BANK1: variants seen among roughly 807,000 people sequenced by gnomAD.
The protein encoded by BANK1 is B cell scaffold protein with ankyrin repeats 1.
Under a neutral mutation model 94.5 loss-of-function variants are expected in BANK1, and 95 were observed. That is an observed-to-expected ratio of 1.00 (90% confidence interval 0.85 to 1.19). The LOEUF (loss-of-function observed/expected upper bound fraction) is 1.19, where lower values mean the gene tolerates loss of function less well. Ranked by LOEUF, BANK1 falls within the 50% of genes most tolerant of loss-of-function variation. BANK1 has a pLI of 0.00. For synonymous variants in BANK1, 334 were observed against 308.4 expected, an observed-to-expected ratio of 1.08 and a Z score of -0.87; for missense variants, 987 against 932.2, an observed-to-expected ratio of 1.06 and a Z score of -0.77.
intron 8 of BANK1, among the ~76,000 whole-genome samples, chr4:102,023,691 A>T (rs1033147309): frequency 3.9e-5 from 6 of 152,214 alleles, no homozygotes; most frequent in Non-Finnish European, 8.8e-5. Flanking sequence ...AAGTTTGGGC[A>T]TATTTGATGA....
At chr4:101,854,957 C>A in intron 2 of BANK1, 78 bp from the exon 3 acceptor site, 5 of 1,100,556 alleles carry the variant, frequency 4.5e-6, no homozygotes, top group East Asian at 2.4e-5. Context: ...GGTTGTTTAG[C>A]AATTAGTCTT....
At chr4:102,068,549 G>A (rs187766425) in intron 13 of BANK1, among the ~76,000 whole-genome samples, 7 of 152,312 alleles carry the variant, frequency 4.6e-5, no homozygotes, top group Middle Eastern at 3.4e-3. Context: ...GGCTCTGGCC[G>A]GGTATGGTGG....
chr4:101,948,663 A>C (rs1347404869), intron 7 of BANK1, among the ~76,000 whole-genome samples: 6 of 152,114 alleles, frequency 3.9e-5, no homozygotes, highest in Non-Finnish European at 8.8e-5. Flanking sequence ...GTAGAGGTAG[A>C]CTAGAGTCTT....
chr4:102,003,861 AAT>A (rs1365147801), intron 7 of BANK1, among the ~76,000 whole-genome samples: 10 of 151,560 alleles, frequency 6.6e-5, no homozygotes, highest in African/African-American at 2.4e-4. Flanking sequence ...TTCATATTTA[AAT>A]ATATTTCATG....
At chr4:101,984,059 A>T (rs1180682586) in intron 7 of BANK1, among the ~76,000 whole-genome samples, 3 of 152,092 alleles carry the variant, frequency 2.0e-5, no homozygotes, top group East Asian at 3.9e-4. Context: ...CTGATATCAG[A>T]TATGAAATGC....
chr4:102,050,442 T>C (rs1052640482), intron 11 of BANK1, among the ~76,000 whole-genome samples: 9 of 152,172 alleles, frequency 5.9e-5, no homozygotes, highest in Non-Finnish European at 1.3e-4. Flanking sequence ...ATCTTAGATA[T>C]GGACTAAAAG....
At chr4:101,883,978 G>C (rs1313896119) in intron 5 of BANK1, among the ~76,000 whole-genome samples, 1 of 152,104 alleles carries the variant, frequency 6.6e-6, no homozygotes, top group Non-Finnish European at 1.5e-5. Context: ...GTGGGCCTCT[G>C]TACTAATAAC....
chr4:102,074,369 T>C lies in BANK1; in HGVS notation c.*370T>C, dbSNP rs1285692019. 6.6e-6 allele frequency: 1 copy of C among 152,066 alleles called. No homozygotes were observed. Among genetic ancestry groups the C allele is most frequent in the East Asian group, 1.9e-4 (1 of 5,198 alleles). 9.4% of individuals were successfully genotyped at this position (152,066 alleles called of 1,614,324 possible). On this transcript the variant is annotated 3_prime_UTR_variant, in exon 17 of 17. Transcript: ENST00000322953. ...GCTTGAGGGCACTAACCTCAACAGA[T>C]TATTCCTCCTCTCCTTAGAATAACC...
At chr4:101,978,863 A>G (rs979764207) in intron 7 of BANK1, among the ~76,000 whole-genome samples, 2 of 152,112 alleles carry the variant, frequency 1.3e-5, no homozygotes, top group Non-Finnish European at 2.9e-5. Flanking sequence ...CCAAATTTCA[A>G]AAATTAAGAT....
At chr4:101,914,665 G>A (rs1722772984) in intron 6 of BANK1, among the ~76,000 whole-genome samples, 1 of 152,218 alleles carries the variant, frequency 6.6e-6, no homozygotes, top group African/African-American at 2.4e-5. Flanking sequence ...CTTGCTTTAT[G>A]TGTGTTTCTG....
chr4:102,011,134 G>A (rs760117806), intron 7 of BANK1, among the ~76,000 whole-genome samples: 4 of 151,920 alleles, frequency 2.6e-5, no homozygotes, highest in East Asian at 1.9e-4. Context: ...CCTTACCTTC[G>A]GGAAATGAAT....
chr4:101,895,782 C>T (rs1279917288), intron 6 of BANK1, among the ~76,000 whole-genome samples: 1 of 151,722 alleles, frequency 6.6e-6, no homozygotes, highest in African/African-American at 2.4e-5. Flanking sequence ...TATTTTCATA[C>T]ATCTATTAAC....
At chr4:101,845,638 T>C (rs902947175) in intron 2 of BANK1, among the ~76,000 whole-genome samples, 3 of 152,330 alleles carry the variant, frequency 2.0e-5, no homozygotes, top group South Asian at 2.1e-4. Flanking sequence ...AACATATAGC[T>C]GCCTCTGGGA....
chr4:101,922,378 G>A (rs138552026), intron 7 of BANK1, among the ~76,000 whole-genome samples: 1 of 151,762 alleles, frequency 6.6e-6, no homozygotes, highest in African/African-American at 2.4e-5. Flanking sequence ...TAGTTTAAAT[G>A]GCAGCATATC....
chr4:101,881,375 T>G (rs1728671095), intron 5 of BANK1, among the ~76,000 whole-genome samples: 1 of 152,106 alleles, frequency 6.6e-6, no homozygotes, highest in Non-Finnish European at 1.5e-5. Context: ...AAAACTACCA[T>G]GAGATATCAT....
chr4:102,003,581 T>A (rs1578448251), intron 7 of BANK1, among the ~76,000 whole-genome samples: 1 of 152,052 alleles, frequency 6.6e-6, no homozygotes, highest in South Asian at 2.1e-4. Context: ...CCAGGCAAAA[T>A]TGTATCATTT....
chr4:101,896,966 C>T (rs1331250494), intron 6 of BANK1, among the ~76,000 whole-genome samples: 3 of 152,016 alleles, frequency 2.0e-5, no homozygotes, highest in African/African-American at 7.2e-5. Context: ...TATTTTCTGG[C>T]TTGAATAATG....
At position 101,888,751 on chromosome 4, in the gene BANK1, C is replaced by T. The variant is rs117122328; in HGVS notation, c.904-6554C>T. 6.9e-3 allele frequency among the ~76,000 whole-genome samples: 1,050 copies of T among 152,292 alleles called. 40 individuals carry two copies. The highest frequency in any genetic ancestry group is 0.017 in the East Asian group (87 of 5,190). On this transcript the variant is annotated intron_variant, in intron 5 of 16. Transcript: ENST00000322953. ...GCTTATATAGAGCCTGGCACATTAG[C>T]AGTGCTCCGCATGTGGTAGTTATTA...
intron 2 of BANK1, among the ~76,000 whole-genome samples, chr4:101,839,783 C>T (rs1726961004): frequency 6.6e-6 from 1 of 151,812 alleles, no homozygotes; most frequent in Admixed American, 6.6e-5. Context: ...AACTCTTGAA[C>T]TTCTTTTGGA....
Sources: gnomAD v4.1 joint callset for allele counts (sites outside exome capture counted in the v4.1 genomes callset) on GRCh38, gnomAD v4.1.1 for gene constraint, MANE v1.5 for transcripts, NCBI Gene and HGNC (gene_info 2026-07-23, HGNC 2026-07-21) for gene names.